SDCCAG8: variants seen among roughly 807,000 people sequenced by gnomAD.
SDCCAG8 encodes the protein serologically defined colon cancer antigen 8.
In SDCCAG8, 74 loss-of-function variants were observed where a neutral mutation model predicts 101.8. The ratio of observed to expected loss-of-function variants is 0.73; its 90% CI spans 0.60 to 0.88. The LOEUF is 0.88. SDCCAG8 is among the 40% of genes least tolerant of loss of function. The pLI is 0.00. For synonymous variants in SDCCAG8, 281 were observed against 292.9 expected (o/e 0.96, Z 0.41); for missense variants, 787 against 822.6 (o/e 0.96, Z 0.53).
intron 16 of SDCCAG8, among the ~76,000 whole-genome samples, chr1:243,438,555 C>A (rs1395584600): frequency 6.7e-6 from 1 of 150,230 alleles, no homozygotes; most frequent in Non-Finnish European, 1.5e-5. Flanking sequence ...TCTATGCACA[C>A]GTGCGCGTGC....
intron 16 of SDCCAG8, among the ~76,000 whole-genome samples, chr1:243,486,807 C>A (rs1664986412): frequency 6.6e-6 from 1 of 152,222 alleles, no homozygotes; most frequent in African/African-American, 2.4e-5. Context: ...ACCTTCTTGC[C>A]ATGCAGCCAT....
chr1:243,470,414 C>T (rs1420301006), intron 16 of SDCCAG8, among the ~76,000 whole-genome samples: 4 of 152,098 alleles, frequency 2.6e-5, no homozygotes, highest in African/African-American at 9.7e-5. Flanking sequence ...CCACTTTTCC[C>T]AACTGCTCTA....
At chr1:243,492,839 T>C (rs59326541) in intron 17 of SDCCAG8, among the ~76,000 whole-genome samples, 2,093 of 152,148 alleles carry the variant, frequency 0.014, 47 homozygotes, top group African/African-American at 0.048. Context: ...ACTCCTGACC[T>C]CAGGTGATCT....
At chr1:243,481,860 A>G (rs76936183) in intron 16 of SDCCAG8, among the ~76,000 whole-genome samples, 1 of 152,180 alleles carries the variant, frequency 6.6e-6, no homozygotes, top group Non-Finnish European at 1.5e-5. Flanking sequence ...CCCAGGGGGA[A>G]TTGTCCAGTG....
chr1:243,257,961 C>T (rs987076526), intron 1 of SDCCAG8, among the ~76,000 whole-genome samples: 12 of 152,098 alleles, frequency 7.9e-5, no homozygotes, highest in Admixed American at 7.2e-4. Flanking sequence ...GGCTGTTTAA[C>T]ATTAGGCATT....
intron 6 of SDCCAG8, among the ~76,000 whole-genome samples, chr1:243,293,740 A>T (rs1340843270): frequency 6.6e-6 from 1 of 152,212 alleles, no homozygotes; most frequent in East Asian, 1.9e-4. Flanking sequence ...TTATGCTGTG[A>T]ACATTGGCAT....
At chr1:243,422,738 A>G (rs761065086) in intron 15 of SDCCAG8, among the ~76,000 whole-genome samples, 3 of 152,238 alleles carry the variant, frequency 2.0e-5, no homozygotes, top group Non-Finnish European at 2.9e-5. Flanking sequence ...TAGAACCTAA[A>G]AGAATAAAAA....
intron 10 of SDCCAG8, among the ~76,000 whole-genome samples, chr1:243,331,706 C>T (rs2074606838): frequency 6.6e-6 from 1 of 152,184 alleles, no homozygotes; most frequent in African/African-American, 2.4e-5. Context: ...GATGACATGG[C>T]TGTAGACTCC....
intron 16 of SDCCAG8, among the ~76,000 whole-genome samples, chr1:243,430,546 G>A (rs1202755310): frequency 6.6e-6 from 1 of 151,976 alleles, no homozygotes; most frequent in African/African-American, 2.4e-5. Context: ...CCAGGTCCAC[G>A]CAGTTCTCCT....
chr1:243,444,168 C>A (rs1206436217), intron 16 of SDCCAG8, among the ~76,000 whole-genome samples: 1 of 151,922 alleles, frequency 6.6e-6, no homozygotes, highest in Non-Finnish European at 1.5e-5. Flanking sequence ...ATTCAGACAC[C>A]ATTTTAATTA....
At chr1:243,297,708 A>T (rs1021150215) in intron 6 of SDCCAG8, among the ~76,000 whole-genome samples, 1 of 152,168 alleles carries the variant, frequency 6.6e-6, no homozygotes, top group Admixed American at 6.5e-5. Context: ...ATTGTTTCAT[A>T]CATTTATTGT....
At chr1:243,344,073 T>C in intron 11 of SDCCAG8, 142 bp from the exon 12 acceptor site, 1 of 694,030 alleles carries the variant, frequency 1.4e-6, no homozygotes, top group Non-Finnish European at 2.6e-6. Flanking sequence ...CTACGTTGAA[T>C]AGTCTAATAG....
chr1:243,313,097 T>C (rs1244383011), intron 8 of SDCCAG8, among the ~76,000 whole-genome samples: 2 of 152,204 alleles, frequency 1.3e-5, no homozygotes, highest in African/African-American at 4.8e-5. Flanking sequence ...GGTACTTTTC[T>C]GGGGCTTTAG....
intron 4 of SDCCAG8, among the ~76,000 whole-genome samples, chr1:243,276,097 C>T (rs183984597): frequency 2.0e-4 from 30 of 152,068 alleles, no homozygotes; most frequent in Admixed American, 1.6e-3. Context: ...CTCTTGACCT[C>T]GTGATCCGTC....
intron 15 of SDCCAG8, among the ~76,000 whole-genome samples, chr1:243,419,553 A>C (rs1398687989): frequency 6.6e-6 from 1 of 152,196 alleles, no homozygotes; most frequent in Non-Finnish European, 1.5e-5. Flanking sequence ...ATTATATAAA[A>C]GAGACAAAAA....
intron 13 of SDCCAG8, among the ~76,000 whole-genome samples, chr1:243,411,513 T>C (rs1254851629): frequency 6.6e-6 from 1 of 152,152 alleles, no homozygotes; most frequent in Non-Finnish European, 1.5e-5. Flanking sequence ...ATATATAGAA[T>C]TGTGGAAAGA....
intron 15 of SDCCAG8, among the ~76,000 whole-genome samples, chr1:243,423,482 CAA>C (rs2081145715): frequency 6.6e-6 from 1 of 152,034 alleles, no homozygotes; most frequent in African/African-American, 2.4e-5. Flanking sequence ...ACTCTGAAAA[CAA>C]AACTTTATTA....
chr1:243,379,755 A>G (rs2077827919), intron 13 of SDCCAG8, among the ~76,000 whole-genome samples: 1 of 152,222 alleles, frequency 6.6e-6, no homozygotes, highest in Non-Finnish European at 1.5e-5. Context: ...ATGTAAGTTC[A>G]TGATATTTGG....
chr1:243,411,413 C>T (rs2148002094), intron 13 of SDCCAG8, among the ~76,000 whole-genome samples: 1 of 152,174 alleles, frequency 6.6e-6, no homozygotes, highest in Admixed American at 6.6e-5. Flanking sequence ...CACTGATTTG[C>T]TCCTTTTAAA....
Sources: allele counts gnomAD v4.1 joint callset (sites outside exome capture counted in the v4.1 genomes callset), GRCh38; gene constraint gnomAD v4.1.1; transcripts MANE v1.5; gene names NCBI Gene and HGNC (gene_info 2026-07-23, HGNC 2026-07-21).